The following ZBTB7C variants were observed in gnomAD, a reference collection of about 807,000 sequenced individuals.
ZBTB7C encodes zinc finger and BTB domain containing 7C.
ZBTB7C carries 8 observed loss-of-function variants against 25.7 expected under a neutral mutation model. That is an observed-to-expected ratio of 0.31 (90% CI 0.18 to 0.56). ZBTB7C has a LOEUF of 0.56. Ranked by LOEUF, ZBTB7C falls within the 20% of genes least tolerant of loss-of-function variation. The pLI is 0.91. For synonymous variants in ZBTB7C, 394 were observed against 369.0 expected (o/e 1.07, Z -0.78); for missense variants, 824 against 855.2 (o/e 0.96, Z 0.46).
chr18:48,244,691 C>T (rs1410751583), intron 2 of ZBTB7C, among the ~76,000 whole-genome samples: 5 of 152,052 alleles, frequency 3.3e-5, no homozygotes, highest in African/African-American at 4.8e-5. Context: ...ATGAAAAATA[C>T]TCAACATCAC....
chr18:48,144,740 T>C (rs1279388358), intron 3 of ZBTB7C, among the ~76,000 whole-genome samples: 1 of 152,184 alleles, frequency 6.6e-6, no homozygotes, highest in East Asian at 1.9e-4. Context: ...GTGTGTGTCT[T>C]TGAAGCCTTT....
rs533784403 is a variant in ZBTB7C, at chr18:48,240,250, G to A, written c.-78-54255C>T. Among the ~76,000 whole-genome samples, 9 of 152,154 alleles carry A rather than the reference G, an allele frequency of 5.9e-5. 1 individual carries two copies. Among genetic ancestry groups the A allele is most frequent in the East Asian group, 5.8e-4 (3 of 5,180 alleles). ...CCTAAGGATAACTGGTGTTCCTGAG[G>A]AAGAAGAGAAATCTAAAAGTTTGGA... On this transcript the variant is annotated intron_variant, in intron 2 of 4. Coordinates refer to ENST00000590800, the MANE Select transcript of ZBTB7C (RefSeq NM_001318841.2).
chr18:48,408,453 A>C (rs968650174), intron 1 of ZBTB7C: 2 of 152,122 alleles, frequency 1.3e-5, no homozygotes, highest in Admixed American at 1.3e-4. Context: ...GCTCGGCTTC[A>C]CTTGTCCGAG....
intron 3 of ZBTB7C, among the ~76,000 whole-genome samples, chr18:48,109,593 G>T (rs11664553): frequency 0.23 from 34,488 of 151,948 alleles, 4,146 homozygotes; most frequent in East Asian, 0.36. Flanking sequence ...AATATTATCA[G>T]GAAGGTGTTG....
intron 1 of ZBTB7C, among the ~76,000 whole-genome samples, chr18:48,394,953 C>A (rs1248277521): frequency 1.3e-5 from 2 of 152,118 alleles, no homozygotes; most frequent in Non-Finnish European, 2.9e-5. Context: ...CCCTCTAAAA[C>A]CACATATAAA....
rs542378189 is a variant in ZBTB7C at position 48,401,760 on chromosome 18, C to T, written c.-304+7466G>A. Among the ~76,000 whole-genome samples, 42 of 152,256 alleles carry T rather than the reference C, an allele frequency of 2.8e-4. No homozygotes were observed. In the South Asian group the frequency reaches 8.7e-3, roughly 32 times the overall value. ...CCAGTCTTGACTCTGTGAGGCTCCA[C>T]CCATGCCACCCTCCCGCCTGGGTCC... On this transcript the variant is annotated intron_variant, in intron 1 of 4. Transcript: ENST00000590800.
intron 1 of ZBTB7C, among the ~76,000 whole-genome samples, chr18:48,379,534 T>C (rs967658698): frequency 6.6e-6 from 1 of 152,162 alleles, no homozygotes; most frequent in Non-Finnish European, 1.5e-5. Context: ...CTTTGCCTCA[T>C]AGTGGATCTA....
At chr18:48,092,469 A>G (rs965275055) in intron 3 of ZBTB7C, among the ~76,000 whole-genome samples, 1 of 152,240 alleles carries the variant, frequency 6.6e-6, no homozygotes, top group Non-Finnish European at 1.5e-5. Context: ...CATGCAGACT[A>G]AATTGATATA....
chr18:48,128,465 C>T (rs12608065), intron 3 of ZBTB7C, among the ~76,000 whole-genome samples: 50,595 of 152,136 alleles, frequency 0.33, 9,784 homozygotes, highest in East Asian at 0.48. Flanking sequence ...AAGTGCCCAT[C>T]GACCAATGAG....
chr18:48,102,897 A>C (rs1375191787), intron 3 of ZBTB7C, among the ~76,000 whole-genome samples: 1 of 151,980 alleles, frequency 6.6e-6, no homozygotes. Context: ...CAGCCTTTCA[A>C]AAAGGGAGTC....
Position 48,234,045 on chromosome 18 carries a change from C to A in ZBTB7C, c.-78-48050G>T, listed in dbSNP as rs2043317656. 1.3e-5 allele frequency among the ~76,000 whole-genome samples: 2 copies of A among 152,062 alleles called. 1 individual carries two copies. The highest frequency in any genetic ancestry group is 4.1e-4 in the South Asian group (2 of 4,820). On this transcript the variant is annotated intron_variant, in intron 2 of 4. Coordinates refer to ENST00000590800, the MANE Select transcript of ZBTB7C (RefSeq NM_001318841.2). ...TATCAACCTCCAGCGCCACTGATCA[C>A]AACCCAATAGCCTCAGTGGAATTGC... is the stretch of plus-strand genomic sequence containing the variant.
intron 2 of ZBTB7C, among the ~76,000 whole-genome samples, chr18:48,244,624 G>T (rs986569884): frequency 5.3e-4 from 80 of 152,000 alleles, no homozygotes; most frequent in African/African-American, 1.9e-3. Context: ...ATCAAAAAGT[G>T]GGCTAAGGAA....
chr18:48,373,976 A>AGGG (rs1568409031), intron 1 of ZBTB7C, among the ~76,000 whole-genome samples: 3,456 of 148,452 alleles, frequency 0.023, 141 homozygotes, highest in African/African-American at 0.081. Context: ...AAAAAAAAGC[A>AGGG]TGTGGCACCT....
chr18:48,045,686 A>G (rs943603570), intron 3 of ZBTB7C, among the ~76,000 whole-genome samples: 21 of 152,184 alleles, frequency 1.4e-4, no homozygotes, highest in Non-Finnish European at 2.2e-4. Flanking sequence ...CCATCCCTCA[A>G]TTCAGAGGCT....
chr18:48,228,996 C>T lies in ZBTB7C; in HGVS notation c.-78-43001G>A, dbSNP rs552202677. ...CTCGAACCATCTGGAAACATAAGCA[C>T]GGCAGGATTGTGCGAGGCTGGAGGT... On this transcript the variant is annotated intron_variant, in intron 2 of 4. Transcript: ENST00000590800. Among the ~76,000 whole-genome samples the T allele has an allele frequency of 2.4e-4, 36 of 152,222 alleles. 1 individual carries two copies. The South Asian group carries it at 3.5e-3, about 15-fold the overall frequency.
At chr18:48,409,949 G>C (rs1003778686), upstream of ZBTB7C, among the ~76,000 whole-genome samples, 1 of 151,802 alleles carries the variant, frequency 6.6e-6, no homozygotes, top group African/African-American at 2.4e-5. Context: ...GGGACCGCCG[G>C]GTATTTTTAG....
chr18:48,245,092 G>GTATATATATATATATA (rs1397704476), intron 2 of ZBTB7C, among the ~76,000 whole-genome samples: 9,940 of 122,594 alleles, frequency 0.081, 659 homozygotes, highest in Admixed American at 0.17. Context: ...GTGTGTGTGT[G>GTATATATATATATATA]TATATATATA....
In ZBTB7C at chr18:48,218,576, C is replaced by T. The variant is rs142630058; in HGVS notation, c.-78-32581G>A. Among the ~76,000 whole-genome samples, 10 of 152,336 alleles carry T rather than the reference C, an allele frequency of 6.6e-5. No homozygotes were observed. In the East Asian group the frequency reaches 1.7e-3, roughly 26 times the overall value. Reference sequence around the variant, plus strand: ...CTGGTAAGATGCTTGAAAGCAGGGGCCTGGTTTCAGTGGATCTGTGGTGGT... The same window carrying T: ...CTGGTAAGATGCTTGAAAGCAGGGGTCTGGTTTCAGTGGATCTGTGGTGGT... On this transcript the variant is annotated intron_variant, in intron 2 of 4. Coordinates refer to ENST00000590800, the MANE Select transcript of ZBTB7C (RefSeq NM_001318841.2).
chr18:48,385,980 A>G (rs1324581505), intron 1 of ZBTB7C, among the ~76,000 whole-genome samples: 1 of 152,138 alleles, frequency 6.6e-6, no homozygotes, highest in Non-Finnish European at 1.5e-5. Context: ...CACAGATATT[A>G]TACAATATGT....
Sources: gnomAD v4.1 joint callset for allele counts (sites outside exome capture counted in the v4.1 genomes callset) on GRCh38, gnomAD v4.1.1 for gene constraint, MANE v1.5 for transcripts, NCBI Gene and HGNC (gene_info 2026-07-23, HGNC 2026-07-21) for gene names.